Variants in RGS9 observed in about 807,000 individuals in gnomAD.
RGS9 encodes the protein regulator of G protein signaling 9, also known as regulator of G-protein signalling 9.
A neutral mutation model predicts 102.0 loss-of-function variants in RGS9; 78 were observed. The observed-to-expected ratio is 0.76, with a 90% CI of 0.64 to 0.92. The LOEUF is 0.92. Among genes scored for constraint, RGS9 ranks in the 40% least tolerant of loss-of-function variants. RGS9 has a pLI of 0.00. For missense variants in RGS9, 833 were observed against 866.1 expected (o/e 0.96, Z 0.48); for synonymous variants, 353 against 318.6 (o/e 1.11, Z -1.15).
At chr17:65,203,258 T>C (rs1003254926) in intron 14 of RGS9, among the ~76,000 whole-genome samples, 5 of 151,390 alleles carry the variant, frequency 3.3e-5, no homozygotes, top group African/African-American at 1.2e-4. Context: ...AGGGGATCCA[T>C]GCGCTGAGAG....
At chr17:65,144,003 TG>T (rs1910259064) in intron 1 of RGS9, among the ~76,000 whole-genome samples, 4 of 151,514 alleles carry the variant, frequency 2.6e-5, no homozygotes. Flanking sequence ...TGGGGTCACC[TG>T]GAACGATTCC....
chr17:65,180,646 G>C (rs1335121771), intron 9 of RGS9, among the ~76,000 whole-genome samples: 2 of 152,146 alleles, frequency 1.3e-5, no homozygotes, highest in Admixed American at 1.3e-4. Context: ...CACTGCGCCT[G>C]GCTATCAATC....
intron 8 of RGS9, 58 bp from the exon 9 acceptor site, chr17:65,177,674 T>C: frequency 6.6e-7 from 1 of 1,517,012 alleles, no homozygotes; most frequent in Non-Finnish European, 9.2e-7. Context: ...GACCCACAGT[T>C]AACCAGAAAC....
At chr17:65,202,940 T>C (rs1290721092) in intron 14 of RGS9, among the ~76,000 whole-genome samples, 1 of 152,160 alleles carries the variant, frequency 6.6e-6, no homozygotes, top group Non-Finnish European at 1.5e-5. Flanking sequence ...GGCCCAGCAT[T>C]GTTAGTTCAT....
intron 1 of RGS9, among the ~76,000 whole-genome samples, chr17:65,139,094 C>CCTA (rs1476561006): frequency 7.1e-6 from 1 of 140,608 alleles, no homozygotes; most frequent in Non-Finnish European, 1.5e-5. Context: ...CCTCCTCCAC[C>CCTA]CCAGCTCTCC....
At chr17:65,189,157 T>A (rs367896651) in intron 9 of RGS9, 129 bp from the exon 10 acceptor site, 23 of 742,194 alleles carry the variant, frequency 3.1e-5, no homozygotes, top group East Asian at 2.3e-4. Context: ...CATGGAGAAA[T>A]CCTATCTTTT....
chr17:65,164,692 T>C (rs2144005281), intron 7 of RGS9, among the ~76,000 whole-genome samples: 1 of 152,168 alleles, frequency 6.6e-6, no homozygotes, highest in East Asian at 1.9e-4. Context: ...AATATGTTCT[T>C]AGGGTTTAGA....
chr17:65,210,520 G>C lies in RGS9; in HGVS notation c.1322G>C (p.Arg441Pro), dbSNP rs371105218. The change falls in exon 17 of 19, where the codon CGC (arginine) becomes CCC (proline). Residue 441 changes from arginine (R) to proline (P), a missense_variant. Coordinates refer to ENST00000262406, the MANE Select transcript of RGS9 (RefSeq NM_003835.4). ...CTCCCTTTTATGCGGCGTCACCTGCGCTCCAGCCCAAGCCCTGTCATCCTG... is the reference window on the plus strand; with the variant it reads ...CTCCCTTTTATGCGGCGTCACCTGCCCTCCAGCCCAAGCCCTGTCATCCTG... ...STLPFMRRHL[R>P]SSPSPVILRQ... 1 of 1,613,598 alleles carries C rather than the reference G, an allele frequency of 6.2e-7. No individual in the cohort carries two copies. Among genetic ancestry groups the C allele is most frequent in the African/African-American group, 1.3e-5 (1 of 74,852 alleles).
Position 65,145,058 on chromosome 17 carries a change from T to C in RGS9, c.57+7461T>C, listed in dbSNP as rs949951339. Among the ~76,000 whole-genome samples the C allele has an allele frequency of 3.3e-5, 5 of 152,114 alleles. No individual in the cohort carries two copies. In the East Asian group the frequency reaches 9.6e-4, roughly 29 times the overall value. ...AGACACTGGTCATAGGGGATTAGGG[T>C]CCACTCCATGACCTCATTTCACCGC... On this transcript the variant is annotated intron_variant, in intron 1 of 18. Coordinates refer to ENST00000262406, the MANE Select transcript of RGS9 (RefSeq NM_003835.4).
intron 11 of RGS9, among the ~76,000 whole-genome samples, chr17:65,190,505 A>G (rs9900841): frequency 6.6e-6 from 1 of 152,178 alleles, no homozygotes; most frequent in Non-Finnish European, 1.5e-5. Context: ...TGGATGGGGA[A>G]GTTAGAAAGA....
intron 6 of RGS9, among the ~76,000 whole-genome samples, chr17:65,162,543 A>G (rs1261356947): frequency 6.6e-6 from 1 of 152,058 alleles, no homozygotes; most frequent in Non-Finnish European, 1.5e-5. Flanking sequence ...GCTCACTGCA[A>G]GCTCTGCCTC....
chr17:65,161,156 G>C (rs1324532902), intron 6 of RGS9, among the ~76,000 whole-genome samples: 1 of 152,230 alleles, frequency 6.6e-6, no homozygotes, highest in East Asian at 1.9e-4. Context: ...TGGGCACACA[G>C]TGGCTACCCA....
In RGS9 at chr17:65,160,577, T is replaced by TA. The variant is rs1567865292; in HGVS notation, c.355dup (p.Thr119AsnfsTer22). 1 of 1,614,198 alleles carries TA rather than the reference T, an allele frequency of 6.2e-7. No individual in the cohort carries two copies. On this transcript the variant is annotated frameshift_variant, in exon 5 of 19. Transcript: ENST00000262406. LOFTEE classifies it high-confidence loss of function. ...CCACCCAGCAGTGGCCAGCTGAAGA[T>TA]ACCGATTACGGTAAATACTTCAGCC... is the stretch of plus-strand genomic sequence containing the variant.
intron 1 of RGS9, among the ~76,000 whole-genome samples, chr17:65,144,311 G>A (rs928262936): frequency 6.6e-6 from 1 of 152,132 alleles, no homozygotes; most frequent in Non-Finnish European, 1.5e-5. Context: ...GAGATCTTCC[G>A]CAGTGAGTGA....
rs548297737 is a variant in RGS9 at position 65,153,286 on chromosome 17, C to A, written c.58-136C>A. 5.1e-6 allele frequency: 4 copies of A among 786,446 alleles called. No homozygotes were observed. The Admixed American group carries it at 5.2e-5, about 10-fold the overall frequency. The allele number at this position is 786,446 out of a possible 1,614,324, so 48.7% of individuals were successfully genotyped here. ...TTGCATTAGAGTCACTCAGTGCCCA[C>A]CTGGCTCCTGTACCAGATGGGGAAC... is the stretch of plus-strand genomic sequence containing the variant. On this transcript the variant is annotated intron_variant, in intron 1 of 18. Coordinates refer to ENST00000262406, the MANE Select transcript of RGS9 (RefSeq NM_003835.4).
In RGS9 at chr17:65,210,480, C is replaced by T. The variant is rs749075232; in HGVS notation, c.1290-8C>T. ...TTCCTCCAACCACCAATCTGTCCTT[C>T]CTTCCAGCTCCACCCTCCCTTTTAT... On this transcript the variant is annotated splice_region_variant and splice_polypyrimidine_tract_variant and intron_variant, in intron 16 of 18. Transcript: ENST00000262406. 1 of 1,612,940 alleles carries T rather than the reference C, an allele frequency of 6.2e-7. No homozygotes were observed. The highest frequency in any genetic ancestry group is 8.5e-7 in the Non-Finnish European group (1 of 1,179,914).
In RGS9 at chr17:65,204,294, T is replaced by A. The variant is rs1355024218; in HGVS notation, c.1196T>A (p.Met399Lys). The A allele has an allele frequency of 6.2e-7, 1 of 1,613,848 alleles. No homozygotes were observed. Among genetic ancestry groups the A allele is most frequent in the South Asian group, 1.1e-5 (1 of 91,076 alleles). ...DAAQTHIYML[M>K]KKDSYARYLK... ...GCACAAACCCACATTTACATGCTCA[T>A]GAAGAAGGTAGGTGGGTCCGTGCTG... Residue 399 changes from methionine to lysine, a missense_variant, in exon 15 of 19, where the codon ATG becomes AAG. Transcript: ENST00000262406.
chr17:65,204,543 T>C (rs74382536), intron 15 of RGS9, among the ~76,000 whole-genome samples: 7,508 of 152,134 alleles, frequency 0.049, 215 homozygotes, highest in African/African-American at 0.071. Flanking sequence ...AGACCCTGTC[T>C]TTATATAAAA....
At chr17:65,215,659 C>T (rs960897831) in intron 17 of RGS9, among the ~76,000 whole-genome samples, 2 of 151,246 alleles carry the variant, frequency 1.3e-5, no homozygotes, top group African/African-American at 4.8e-5. Flanking sequence ...CTCCCAAGTT[C>T]AAGCCATTCC....
Sources: allele counts gnomAD v4.1 joint callset (sites outside exome capture counted in the v4.1 genomes callset), GRCh38; gene constraint gnomAD v4.1.1; transcripts MANE v1.5; gene names NCBI Gene and HGNC (gene_info 2026-07-23, HGNC 2026-07-21).